Variants in STRBP observed in about 807,000 individuals in gnomAD.
STRBP encodes the protein spermatid perinuclear RNA binding protein, also known as spermatid perinuclear RNA-binding protein.
A neutral mutation model predicts 80.1 loss-of-function variants in STRBP; 13 were observed. That is an observed-to-expected ratio of 0.16 (90% CI 0.11 to 0.26). The LOEUF (loss-of-function observed/expected upper bound fraction) is 0.26. Ranked by LOEUF, STRBP falls within the 10% of genes least tolerant of loss-of-function variation. The probability of loss-of-function intolerance (pLI) is 1.00; values close to 1 mark genes in which losing one functional copy is unlikely to be tolerated. For synonymous variants in STRBP, 284 were observed against 291.2 expected (o/e 0.98, Z 0.25); for missense variants, 485 against 815.2 (o/e 0.59, Z 4.93).
At chr9:123,162,099 C>T (rs751104124) in intron 6 of STRBP, among the ~76,000 whole-genome samples, 7 of 152,124 alleles carry the variant, frequency 4.6e-5, no homozygotes, top group Non-Finnish European at 8.8e-5. Context: ...ATAGAGGTAG[C>T]GCATTTGTGT....
intron 6 of STRBP, among the ~76,000 whole-genome samples, chr9:123,163,414 C>G (rs2037611020): frequency 6.6e-6 from 1 of 152,176 alleles, no homozygotes; most frequent in South Asian, 2.1e-4. Context: ...TTGAAGACAA[C>G]ACATTCTATG....
chr9:123,197,599 C>T (rs1000710171), intron 2 of STRBP, among the ~76,000 whole-genome samples: 31 of 151,804 alleles, frequency 2.0e-4, no homozygotes, highest in African/African-American at 7.0e-4. Flanking sequence ...GCTTGGCTTT[C>T]CACTCCTGTG....
chr9:123,209,218 A>G (rs954653401), intron 2 of STRBP, among the ~76,000 whole-genome samples: 1 of 152,230 alleles, frequency 6.6e-6, no homozygotes, highest in Non-Finnish European at 1.5e-5. Flanking sequence ...TTTCTACTAT[A>G]TATCAAGACC....
At chr9:123,197,401 G>A (rs2039132957) in intron 2 of STRBP, among the ~76,000 whole-genome samples, 1 of 152,034 alleles carries the variant, frequency 6.6e-6, no homozygotes, top group African/African-American at 2.4e-5. Flanking sequence ...TTACATGGAC[G>A]AAATATAAAA....
chr9:123,132,814 G>T, intron 17 of STRBP, 31 bp downstream of exon 17: 2 of 1,609,962 alleles, frequency 1.2e-6, no homozygotes, highest in South Asian at 2.2e-5. Context: ...GCCCAGTAAA[G>T]GGGGCCAATC....
intron 1 of STRBP, among the ~76,000 whole-genome samples, chr9:123,260,523 C>T (rs1039261544): frequency 1.3e-5 from 2 of 152,194 alleles, no homozygotes; most frequent in Non-Finnish European, 2.9e-5. Flanking sequence ...ATATGCTTAA[C>T]TCACAAAGCT....
At chr9:123,117,380 C>T (rs1311087583), downstream of STRBP, among the ~76,000 whole-genome samples, 1 of 152,194 alleles carries the variant, frequency 6.6e-6, no homozygotes, top group African/African-American at 2.4e-5. Flanking sequence ...AGCAGAGACC[C>T]AGCTGTCATT....
At chr9:123,116,202 C>A in intron 2 of STRBP, 1 of 425,642 alleles carries the variant, frequency 2.3e-6, no homozygotes, top group South Asian at 1.7e-5. Context: ...AAATGTGTTA[C>A]TGTGACGGTG....
intron 2 of STRBP, among the ~76,000 whole-genome samples, chr9:123,216,779 T>C (rs1440990426): frequency 3.3e-5 from 5 of 152,236 alleles, no homozygotes; most frequent in Non-Finnish European, 7.3e-5. Context: ...ATCTCCCATG[T>C]TCCATAGAGT....
At chr9:123,128,464 C>A (rs2035987968) in intron 17 of STRBP, among the ~76,000 whole-genome samples, 2 of 152,196 alleles carry the variant, frequency 1.3e-5, no homozygotes, top group African/African-American at 2.4e-5. Flanking sequence ...CCATGGCCTA[C>A]AAGGCTCTCC....
At chr9:123,144,579 G>A (rs2132344716) in intron 13 of STRBP, among the ~76,000 whole-genome samples, 1 of 152,228 alleles carries the variant, frequency 6.6e-6, no homozygotes, top group South Asian at 2.1e-4. Context: ...GTTAAAATAA[G>A]AAGGCTTGGA....
chr9:123,128,216 T>C lies in STRBP; in HGVS notation c.1940A>G (p.Tyr647Cys), dbSNP rs2035974450. The change falls in exon 18 of 19, where the codon TAT becomes TGT. Residue 647 changes from tyrosine to cysteine, a missense_variant and splice_region_variant. This residue lies in a region of STRBP where 85 missense variants were observed against 120.1 expected (regional missense o/e 0.71). Transcript: ENST00000348403. ...TATCAGTAAGATGGTGTACGTACCA[T>C]AGGCAGGGGCAGCTGTGCTGTAACC... The part of the protein sequence containing the change: ...PYGYSTAAPA[Y>C]GLPKRMVLLP... The C allele has an allele frequency of 1.2e-6, 2 of 1,614,128 alleles. No individual in the cohort carries two copies. Among genetic ancestry groups the C allele is most frequent in the Non-Finnish European group, 1.7e-6 (2 of 1,180,012 alleles).
Position 123,197,662 on chromosome 9 carries a change from TATTTC to T in STRBP, c.-164-13369_-164-13365del, listed in dbSNP as rs1274481284. 1.4e-4 allele frequency among the ~76,000 whole-genome samples: 19 copies of T among 135,524 alleles called. No homozygotes were observed. The South Asian group carries it at 4.4e-3, about 31-fold the overall frequency. The allele number at this position is 135,524 out of a possible 152,430, so 88.9% of individuals were successfully genotyped here. A position where few individuals can be genotyped will look rare whatever the true frequency, so the allele number is the denominator to read the frequency against. ...GCTCCATACAAGTTGCTGTGAAACATATTTCTTTTTTTTTTTTTTTTTTTTTTTTT... is the reference window on the plus strand; with the variant it reads ...GCTCCATACAAGTTGCTGTGAAACATTTTTTTTTTTTTTTTTTTTTTTTTT... On this transcript the variant is annotated intron_variant, in intron 2 of 18. Transcript: ENST00000348403.
At chr9:123,113,448 C>T (rs2035599900) in intron 3 of STRBP, 2 of 167,400 alleles carry the variant, frequency 1.2e-5, no homozygotes, top group Middle Eastern at 3.4e-3. Flanking sequence ...GAGCTGCCTG[C>T]CTTCAGGGCT....
chr9:123,131,785 G>A (rs2036149239), intron 17 of STRBP, among the ~76,000 whole-genome samples: 1 of 152,168 alleles, frequency 6.6e-6, no homozygotes, highest in African/African-American at 2.4e-5. Flanking sequence ...CACACTCCTT[G>A]AGCAATTTAC....
At chr9:123,167,163 G>A (rs2037803633) in intron 6 of STRBP, among the ~76,000 whole-genome samples, 1 of 151,370 alleles carries the variant, frequency 6.6e-6, no homozygotes, top group Non-Finnish European at 1.5e-5. Context: ...GGCAAGTTAA[G>A]ACAGAAAAAA....
intron 2 of STRBP, among the ~76,000 whole-genome samples, chr9:123,215,000 G>A (rs189255438): frequency 1.4e-4 from 21 of 151,876 alleles, no homozygotes; most frequent in Admixed American, 1.4e-3. Flanking sequence ...CTGTTCCTGG[G>A]TTATGGTCTT....
At chr9:123,227,135 G>A (rs2040260810) in intron 2 of STRBP, among the ~76,000 whole-genome samples, 1 of 152,082 alleles carries the variant, frequency 6.6e-6, no homozygotes, top group African/African-American at 2.4e-5. Context: ...TTTGGGAGAC[G>A]CATTCAAACC....
intron 2 of STRBP, among the ~76,000 whole-genome samples, chr9:123,203,829 G>A (rs898481537): frequency 1.5e-4 from 23 of 151,904 alleles, no homozygotes; most frequent in Admixed American, 3.9e-4. Context: ...AAAATTAGCC[G>A]GGCATGGTGG....
Sources: allele counts gnomAD v4.1 joint callset (sites outside exome capture counted in the v4.1 genomes callset), GRCh38; gene constraint gnomAD v4.1.1; regional missense constraint gnomAD v4.1.1; transcripts MANE v1.5; gene names NCBI Gene and HGNC (gene_info 2026-07-23, HGNC 2026-07-21).